The following GULP1 variants were observed in gnomAD, a reference collection of about 807,000 sequenced individuals.
GULP1 encodes GULP PTB domain containing engulfment adaptor 1.
A neutral mutation model predicts 40.9 loss-of-function variants in GULP1; 19 were observed. That is an observed-to-expected ratio of 0.46 (90% CI 0.32 to 0.68). The LOEUF (loss-of-function observed/expected upper bound fraction) is 0.68, where lower values mean the gene tolerates loss of function less well. GULP1 is among the 30% of genes least tolerant of loss of function. The pLI is 0.03. For synonymous variants in GULP1, 119 were observed against 117.6 expected (o/e 1.01, Z -0.08); for missense variants, 312 against 362.2 (o/e 0.86, Z 1.12).
rs533366009 is a variant in GULP1, at chr2:188,493,194, AG to A, written c.90+9705del. 1.2e-4 allele frequency among the ~76,000 whole-genome samples: 18 copies of A among 152,184 alleles called. No homozygotes were observed. In the East Asian group the frequency reaches 3.5e-3, roughly 29 times the overall value. On this transcript the variant is annotated intron_variant, in intron 4 of 11. Transcript: ENST00000409830. The stretch of plus-strand genomic sequence containing the variant: ...TGACCCAACGACTTGGAAGTTTTGT[AG>A]GGTATTTCAAACTTGAGAATATCTA...
chr2:188,517,723 T>C (rs1460008523), intron 4 of GULP1, among the ~76,000 whole-genome samples: 1 of 152,112 alleles, frequency 6.6e-6, no homozygotes. Flanking sequence ...TTCCTCGGTC[T>C]GTTTTCCTCA....
intron 7 of GULP1, among the ~76,000 whole-genome samples, chr2:188,546,514 G>A (rs1336990109): frequency 6.6e-6 from 1 of 151,962 alleles, no homozygotes; most frequent in African/African-American, 2.4e-5. Context: ...TTTGCGAATT[G>A]AATAAAAATG....
chr2:188,425,241 G>C (rs2056022428), intron 2 of GULP1, among the ~76,000 whole-genome samples: 2 of 152,014 alleles, frequency 1.3e-5, no homozygotes. Flanking sequence ...TCAAAATAAT[G>C]AATTTATTTT....
chr2:188,575,125 G>T (rs1699911398), intron 9 of GULP1, among the ~76,000 whole-genome samples: 1 of 152,102 alleles, frequency 6.6e-6, no homozygotes, highest in Non-Finnish European at 1.5e-5. Flanking sequence ...GTTCCCTCAA[G>T]GTTTTATGGT....
chr2:188,382,832 T>C (rs1431302253), intron 1 of GULP1, among the ~76,000 whole-genome samples: 4 of 152,190 alleles, frequency 2.6e-5, no homozygotes, highest in African/African-American at 7.2e-5. Context: ...TCAATAGGCT[T>C]CTGAAGAATA....
At chr2:188,397,161 G>T (rs891622596) in intron 2 of GULP1, among the ~76,000 whole-genome samples, 2 of 152,114 alleles carry the variant, frequency 1.3e-5, no homozygotes, top group Admixed American at 1.3e-4. Flanking sequence ...GAAAATTCAC[G>T]GTGTGATTAT....
At chr2:188,373,605 G>T (rs1215913094) in intron 1 of GULP1, among the ~76,000 whole-genome samples, 1 of 151,600 alleles carries the variant, frequency 6.6e-6, no homozygotes, top group African/African-American at 2.4e-5. Flanking sequence ...GAATCCTTAG[G>T]CAGTGAAAAG....
chr2:188,554,909 T>G (rs1386656544), intron 7 of GULP1, among the ~76,000 whole-genome samples: 1 of 152,082 alleles, frequency 6.6e-6, no homozygotes, highest in Non-Finnish European at 1.5e-5. Context: ...ACCTTTTCCA[T>G]CTTTTTAGAA....
intron 1 of GULP1, among the ~76,000 whole-genome samples, chr2:188,316,514 A>G (rs1289795653): frequency 6.6e-6 from 1 of 152,114 alleles, no homozygotes; most frequent in Admixed American, 6.6e-5. Flanking sequence ...CCCACATGGT[A>G]TGGCCTCTTG....
chr2:188,561,536 G>A (rs200456210), intron 7 of GULP1, among the ~76,000 whole-genome samples: 1 of 152,166 alleles, frequency 6.6e-6, no homozygotes, highest in East Asian at 1.9e-4. Context: ...AGTGCCCAAT[G>A]TGGTGGATTG....
intron 4 of GULP1, among the ~76,000 whole-genome samples, chr2:188,492,356 A>G (rs559422362): frequency 1.3e-5 from 2 of 152,238 alleles, no homozygotes; most frequent in East Asian, 3.9e-4. Context: ...TCTATCAGGC[A>G]GAAATAACCC....
intron 1 of GULP1, among the ~76,000 whole-genome samples, chr2:188,342,338 A>C (rs2152180955): frequency 6.6e-6 from 1 of 152,146 alleles, no homozygotes; most frequent in Middle Eastern, 3.4e-3. Flanking sequence ...GCATGACTCT[A>C]ATCTTTGTCT....
intron 2 of GULP1, among the ~76,000 whole-genome samples, chr2:188,472,655 T>A (rs1177820256): frequency 6.6e-6 from 1 of 152,184 alleles, no homozygotes; most frequent in Non-Finnish European, 1.5e-5. Flanking sequence ...TTTCAATCTC[T>A]TTCTTTAATT....
At chr2:188,347,219 T>A (rs1386254550) in intron 1 of GULP1, among the ~76,000 whole-genome samples, 2 of 152,162 alleles carry the variant, frequency 1.3e-5, no homozygotes, top group Non-Finnish European at 2.9e-5. Flanking sequence ...AATTTATTAT[T>A]AACTGGATTT....
intron 5 of GULP1, among the ~76,000 whole-genome samples, chr2:188,527,481 G>T (rs1439098826): frequency 6.6e-6 from 1 of 151,762 alleles, no homozygotes; most frequent in African/African-American, 2.4e-5. Flanking sequence ...AGATTATGAA[G>T]GGAAAATAAA....
At chr2:188,525,911 TC>T in intron 5 of GULP1, among the ~76,000 whole-genome samples, 1 of 152,168 alleles carries the variant, frequency 6.6e-6, no homozygotes, top group Admixed American at 6.5e-5. Flanking sequence ...TAAACATCGC[TC>T]ATTTCCCGCA....
chr2:188,385,921 T>C (rs1282998955), intron 2 of GULP1, among the ~76,000 whole-genome samples: 1 of 152,170 alleles, frequency 6.6e-6, no homozygotes, highest in Non-Finnish European at 1.5e-5. Context: ...AACAAGTCTT[T>C]AGGGAGTTCC....
intron 1 of GULP1, among the ~76,000 whole-genome samples, chr2:188,327,027 A>G (rs1250857409): frequency 6.6e-6 from 1 of 152,160 alleles, no homozygotes; most frequent in Non-Finnish European, 1.5e-5. Flanking sequence ...TCTGTGTGGC[A>G]TTTTGTGTCA....
chr2:188,476,262 A>G (rs2060999730), intron 2 of GULP1, among the ~76,000 whole-genome samples: 1 of 152,160 alleles, frequency 6.6e-6, no homozygotes, highest in Admixed American at 6.6e-5. Flanking sequence ...GTCTCCTAGC[A>G]GGAAGTGGTG....
Sources: allele counts gnomAD v4.1 joint callset (sites outside exome capture counted in the v4.1 genomes callset), GRCh38; gene constraint gnomAD v4.1.1; transcripts MANE v1.5; gene names NCBI Gene and HGNC (gene_info 2026-07-23, HGNC 2026-07-21).